NXPH1: variants seen among roughly 807,000 people sequenced by gnomAD.
NXPH1 encodes the protein neurexophilin 1, also known as neurexophilin-1.
A neutral mutation model predicts 23.7 loss-of-function variants in NXPH1; 5 were observed. That is an observed-to-expected ratio of 0.21 (90% CI 0.11 to 0.44). The LOEUF is 0.44. NXPH1 is among the 20% of genes least tolerant of loss of function. NXPH1 has a pLI of 0.99. For synonymous variants in NXPH1, 144 were observed against 122.2 expected, an observed-to-expected ratio of 1.18 and a Z score of -1.18; for missense variants, 324 against 321.6, an observed-to-expected ratio of 1.01 and a Z score of -0.06.
intron 2 of NXPH1, among the ~76,000 whole-genome samples, chr7:8,462,696 T>A (rs1340798569): frequency 6.6e-6 from 1 of 152,230 alleles, no homozygotes; most frequent in African/African-American, 2.4e-5. Flanking sequence ...TGTATAGATA[T>A]CTCAAAACAA....
intron 2 of NXPH1, among the ~76,000 whole-genome samples, chr7:8,575,333 A>G (rs1176838009): frequency 3.9e-5 from 6 of 152,220 alleles, no homozygotes; most frequent in Non-Finnish European, 8.8e-5. Flanking sequence ...TTTAAGTACA[A>G]GCTGACAGGT....
intron 2 of NXPH1, among the ~76,000 whole-genome samples, chr7:8,637,274 G>A (rs1267364817): frequency 6.6e-6 from 1 of 151,740 alleles, no homozygotes; most frequent in East Asian, 1.9e-4. Context: ...CCAGACTGGA[G>A]TTCAGTGGTG....
intron 2 of NXPH1, among the ~76,000 whole-genome samples, chr7:8,497,169 T>C (rs1177914758): frequency 1.3e-5 from 2 of 152,154 alleles, no homozygotes; most frequent in East Asian, 1.9e-4. Context: ...GCTTCATCCA[T>C]GTCCCTACAA....
chr7:8,715,369 A>T (rs1198892147), intron 2 of NXPH1, among the ~76,000 whole-genome samples: 1 of 152,154 alleles, frequency 6.6e-6, no homozygotes, highest in East Asian at 1.9e-4. Flanking sequence ...TGCCTCTTTC[A>T]GTGATATGAA....
rs1491433693 is a variant in NXPH1 at position 8,524,240 on chromosome 7, TCA to T, written c.54+88474_54+88475del. Among the ~76,000 whole-genome samples the T allele has an allele frequency of 1.9e-4, 5 of 26,648 alleles. No individual in the cohort carries two copies. In the East Asian group the frequency reaches 6.0e-3, roughly 32 times the overall value. The allele number at this position is 26,648 out of a possible 152,430, so 17.5% of individuals were successfully genotyped here. On this transcript the variant is annotated intron_variant, in intron 2 of 2. Coordinates refer to ENST00000405863, the MANE Select transcript of NXPH1 (RefSeq NM_152745.3). ...CTGGGTGACAGAGTGAGACTCTGTC[TCA>T]AAAAAAAAAAAAAAAAAAAAAAGGA...
intron 2 of NXPH1, among the ~76,000 whole-genome samples, chr7:8,558,616 C>G (rs1818397305): frequency 6.6e-6 from 1 of 151,668 alleles, no homozygotes; most frequent in Non-Finnish European, 1.5e-5. Flanking sequence ...TGGCTCCATA[C>G]TGAGCTAGAT....
intron 2 of NXPH1, among the ~76,000 whole-genome samples, chr7:8,591,364 A>G (rs978072683): frequency 6.6e-6 from 1 of 152,030 alleles, no homozygotes; most frequent in African/African-American, 2.4e-5. Context: ...GTTTGATTCT[A>G]GAGACCTTGT....
rs1442084739 is a variant in NXPH1 at position 8,434,090 on chromosome 7, CGGGACTCCACTGGGGACCGGCTCCT to C, written c.-772_-748del. On this transcript the variant is annotated 5_prime_UTR_variant, in exon 1 of 3. Coordinates refer to ENST00000405863, the MANE Select transcript of NXPH1 (RefSeq NM_152745.3). This position sits in a 1 kb window ranked among gnomAD's most constrained non-coding sequence, Gnocchi z 7.6. ...GCCGGGCAGCACCAGGGACAGCGCC[CGGGACTCCACTGGGGACCGGCTCCT>C]GGGCTTCCCAGCGTCGCGGGTAGAG... 3.9e-5 allele frequency: 6 copies of C among 152,224 alleles called. No individual in the cohort carries two copies. Among genetic ancestry groups the C allele is most frequent in the Non-Finnish European group, 2.9e-5 (2 of 68,074 alleles). The allele number at this position is 152,224 out of a possible 1,614,324, so 9.4% of individuals were successfully genotyped here.
At chr7:8,491,105 A>G (rs1255888070) in intron 2 of NXPH1, among the ~76,000 whole-genome samples, 1 of 151,996 alleles carries the variant, frequency 6.6e-6, no homozygotes, top group Non-Finnish European at 1.5e-5. Context: ...TCATCAGTGT[A>G]GCTTGTAGTT....
intron 2 of NXPH1, among the ~76,000 whole-genome samples, chr7:8,697,938 G>A (rs1000941795): frequency 3.1e-4 from 47 of 152,128 alleles, no homozygotes; most frequent in African/African-American, 1.1e-3. Context: ...ATGGCCTGAA[G>A]GTCATGCAAG....
At chr7:8,558,150 C>T (rs114851289) in intron 2 of NXPH1, among the ~76,000 whole-genome samples, 123 of 151,796 alleles carry the variant, frequency 8.1e-4, no homozygotes, top group African/African-American at 2.3e-3. Context: ...ATTTTAAATT[C>T]TTACAATTAG....
chr7:8,713,356 T>G (rs1262335197), intron 2 of NXPH1, among the ~76,000 whole-genome samples: 2 of 152,194 alleles, frequency 1.3e-5, no homozygotes, highest in Admixed American at 6.5e-5. Context: ...CTTCTCTGTG[T>G]TATCTTGAAT....
intron 2 of NXPH1, among the ~76,000 whole-genome samples, chr7:8,477,666 G>A (rs1816999543): frequency 6.6e-6 from 1 of 151,794 alleles, no homozygotes; most frequent in Non-Finnish European, 1.5e-5. Context: ...TTCTTAATAG[G>A]AATCACCTCC....
chr7:8,704,095 T>C (rs182644246), intron 2 of NXPH1, among the ~76,000 whole-genome samples: 1 of 152,288 alleles, frequency 6.6e-6, no homozygotes, highest in Admixed American at 6.5e-5. Context: ...TAGCATAAGG[T>C]TAAACTTACT....
chr7:8,664,400 ATCT>A (rs1820728696), intron 2 of NXPH1, among the ~76,000 whole-genome samples: 1 of 152,074 alleles, frequency 6.6e-6, no homozygotes, highest in Non-Finnish European at 1.5e-5. Flanking sequence ...ACAGTTGGTA[ATCT>A]TCTCCCACTG....
intron 2 of NXPH1, among the ~76,000 whole-genome samples, chr7:8,511,758 A>C (rs868352919): frequency 5.9e-5 from 9 of 152,144 alleles, no homozygotes; most frequent in African/African-American, 2.2e-4. Flanking sequence ...TTAGATTCTT[A>C]GCTTTAAATC....
chr7:8,634,182 A>G (rs1820178244), intron 2 of NXPH1, among the ~76,000 whole-genome samples: 1 of 152,058 alleles, frequency 6.6e-6, no homozygotes, highest in Non-Finnish European at 1.5e-5. Context: ...ATCATGGGAG[A>G]GACCCGGTGG....
At chr7:8,665,110 G>A (rs1820739424) in intron 2 of NXPH1, among the ~76,000 whole-genome samples, 1 of 151,722 alleles carries the variant, frequency 6.6e-6, no homozygotes, top group Admixed American at 6.6e-5. Flanking sequence ...CCAATGTTTT[G>A]GAGATTTCCC....
chr7:8,595,384 G>GA (rs1279322852), intron 2 of NXPH1, among the ~76,000 whole-genome samples: 1 of 151,680 alleles, frequency 6.6e-6, no homozygotes, highest in Non-Finnish European at 1.5e-5. Flanking sequence ...TTTTACTTAA[G>GA]AAAAAATGAA....
Sources: gnomAD v4.1 joint callset for allele counts (sites outside exome capture counted in the v4.1 genomes callset) on GRCh38, gnomAD v4.1.1 for gene constraint, Gnocchi (gnomAD v3.1) non-coding constraint, MANE v1.5 for transcripts, NCBI Gene and HGNC (gene_info 2026-07-23, HGNC 2026-07-21) for gene names.